RIMS4: variants seen among roughly 807,000 people sequenced by gnomAD.
RIMS4 encodes regulating synaptic membrane exocytosis 4, also known as regulating synaptic membrane exocytosis protein 4.
RIMS4 carries 9 observed loss-of-function variants against 29.0 expected under a neutral mutation model. The observed-to-expected ratio is 0.31, with a 90% CI of 0.19 to 0.54. The LOEUF (loss-of-function observed/expected upper bound fraction) is 0.54. Ranked by LOEUF, RIMS4 falls within the 20% of genes least tolerant of loss-of-function variation. The pLI, the probability that RIMS4 is intolerant of heterozygous loss-of-function variation, is 0.94. For missense variants in RIMS4, 193 were observed against 365.7 expected (o/e 0.53, Z 3.85); for synonymous variants, 130 against 152.9 (o/e 0.85, Z 1.10).
intron 1 of RIMS4, among the ~76,000 whole-genome samples, chr20:44,799,177 C>T (rs2066267229): frequency 6.6e-6 from 1 of 152,162 alleles, no homozygotes; most frequent in South Asian, 2.1e-4. Context: ...GTGGCACGCG[C>T]CTGTAGTCCC....
At chr20:44,782,513 A>G (rs1404447546) in intron 1 of RIMS4, among the ~76,000 whole-genome samples, 3 of 152,034 alleles carry the variant, frequency 2.0e-5, no homozygotes, top group African/African-American at 7.2e-5. Context: ...CTAACCTCAA[A>G]TGATCTGCCT....
chr20:44,764,472 T>C (rs117850768), intron 2 of RIMS4, among the ~76,000 whole-genome samples: 1 of 152,248 alleles, frequency 6.6e-6, no homozygotes, highest in East Asian at 1.9e-4. Flanking sequence ...AATGCACAAA[T>C]ACTACAATAA....
chr20:44,778,625 G>A (rs182404859), intron 1 of RIMS4, among the ~76,000 whole-genome samples: 6 of 152,290 alleles, frequency 3.9e-5, no homozygotes, highest in Admixed American at 2.6e-4. Context: ...TGATCACATT[G>A]CTGCACTACA....
At chr20:44,810,093 A>C (rs1458858631) in intron 1 of RIMS4, 82 bp downstream of exon 1, 3 of 467,402 alleles carry the variant, frequency 6.4e-6, no homozygotes, top group African/African-American at 4.2e-5. Flanking sequence ...GGTGGGGAGG[A>C]GGGCGCACGG....
At chr20:44,762,337 C>T (rs556283999) in intron 2 of RIMS4, among the ~76,000 whole-genome samples, 3 of 152,270 alleles carry the variant, frequency 2.0e-5, no homozygotes, top group African/African-American at 7.2e-5. Context: ...GGTGACATGG[C>T]CTTTCCTCCA....
At chr20:44,796,286 A>G (rs1204838236) in intron 1 of RIMS4, among the ~76,000 whole-genome samples, 3 of 152,122 alleles carry the variant, frequency 2.0e-5, no homozygotes, top group Non-Finnish European at 4.4e-5. Flanking sequence ...AAGCTGTGTA[A>G]TGTCCAACAA....
At position 44,752,300 on chromosome 20, in the gene RIMS4, T is replaced by C. The variant is rs1441311556; in HGVS notation, c.*3834A>G. ...ACAGCACTGCTGCTCAATAAATAAA[T>C]GCAGGTGACCTTGCCTGACGCAACA... On this transcript the variant is annotated 3_prime_UTR_variant, in exon 6 of 6. Coordinates refer to ENST00000372851, the MANE Select transcript of RIMS4 (RefSeq NM_182970.4). 6.6e-6 allele frequency: 1 copy of C among 152,186 alleles called. No individual in the cohort carries two copies. The highest frequency in any genetic ancestry group is 1.5e-5 in the Non-Finnish European group (1 of 68,058). The allele number at this position is 152,186 out of a possible 1,614,324, so 9.4% of individuals were successfully genotyped here. A position where few individuals can be genotyped will look rare whatever the true frequency, so the allele number is the denominator to read the frequency against.
intron 1 of RIMS4, 30 bp downstream of exon 1, chr20:44,810,145 G>C: frequency 6.8e-7 from 1 of 1,467,114 alleles, no homozygotes; most frequent in South Asian, 1.2e-5. Flanking sequence ...GGGACACCCC[G>C]GGGGTCTGGG....
Position 44,752,449 on chromosome 20 carries a change from C to G in RIMS4, c.*3685G>C, listed in dbSNP as rs1475090971. On this transcript the variant is annotated 3_prime_UTR_variant, in exon 6 of 6. Coordinates refer to ENST00000372851, the MANE Select transcript of RIMS4 (RefSeq NM_182970.4). The stretch of plus-strand genomic sequence containing the variant: ...CCACCCCCTAAGCCACCTGCTCCAC[C>G]TCTGGGTGTAAAAGAGTGAGCTCTG... 1 of 152,262 alleles carries G rather than the reference C, an allele frequency of 6.6e-6. No homozygotes were observed. The highest frequency in any genetic ancestry group is 1.5e-5 in the Non-Finnish European group (1 of 68,110). 9.4% of individuals were successfully genotyped at this position (152,262 alleles called of 1,614,324 possible). A position where few individuals can be genotyped will look rare whatever the true frequency, so the allele number is the denominator to read the frequency against.
Position 44,796,496 on chromosome 20 carries a change from T to C in RIMS4, c.97+13679A>G, listed in dbSNP as rs75986619. On this transcript the variant is annotated intron_variant, in intron 1 of 5. Coordinates refer to ENST00000372851, the MANE Select transcript of RIMS4 (RefSeq NM_182970.4). ...TCTGCCTTTCCCAAGTCAGTGCCCA[T>C]TGGTGGGATGCAGATGGGAATCACA... 8.3e-3 allele frequency among the ~76,000 whole-genome samples: 1,265 copies of C among 152,136 alleles called. 23 individuals carry two copies. Among genetic ancestry groups the C allele is most frequent in the African/African-American group, 0.029 (1,201 of 41,506 alleles).
intron 1 of RIMS4, among the ~76,000 whole-genome samples, chr20:44,783,830 G>A (rs2066195781): frequency 6.6e-6 from 1 of 152,170 alleles, no homozygotes; most frequent in African/African-American, 2.4e-5. Flanking sequence ...AGAGGGAGGG[G>A]CAAATGGGAT....
At chr20:44,781,372 T>TA (rs1269376061) in intron 1 of RIMS4, among the ~76,000 whole-genome samples, 1 of 152,188 alleles carries the variant, frequency 6.6e-6, no homozygotes, top group Non-Finnish European at 1.5e-5. Flanking sequence ...GAAGGGTAAT[T>TA]AATGCAGCAC....
chr20:44,758,307 G>A, intron 2 of RIMS4, 123 bp from the exon 3 acceptor site: 2 of 663,912 alleles, frequency 3.0e-6, no homozygotes, highest in Non-Finnish European at 5.2e-6. Flanking sequence ...TGGAGATAAG[G>A]TTTACCCAGT....
chr20:44,784,433 C>T (rs897314128), intron 1 of RIMS4, among the ~76,000 whole-genome samples: 1 of 152,248 alleles, frequency 6.6e-6, no homozygotes, highest in Non-Finnish European at 1.5e-5. Context: ...CTGAAACCAC[C>T]TGGCACCAGC....
At chr20:44,792,957 T>C (rs1225988636) in intron 1 of RIMS4, among the ~76,000 whole-genome samples, 3 of 152,194 alleles carry the variant, frequency 2.0e-5, no homozygotes, top group South Asian at 2.1e-4. Flanking sequence ...TGTTTTCCCT[T>C]ACCCAGCCGT....
chr20:44,757,138 T>A, intron 4 of RIMS4, 101 bp from the exon 5 acceptor site: 1 of 1,323,764 alleles, frequency 7.6e-7, no homozygotes. Context: ...TGGAGATAGG[T>A]GTGCCCCCAT....
intron 1 of RIMS4, among the ~76,000 whole-genome samples, chr20:44,786,822 C>A (rs535522240): frequency 1.3e-5 from 2 of 152,356 alleles, no homozygotes; most frequent in Admixed American, 1.3e-4. Flanking sequence ...GAGAGCCCTA[C>A]AGGAGCCTGT....
At chr20:44,774,806 T>C (rs2066152565) in intron 1 of RIMS4, among the ~76,000 whole-genome samples, 1 of 152,016 alleles carries the variant, frequency 6.6e-6, no homozygotes, top group African/African-American at 2.4e-5. Context: ...TCTCCATCAC[T>C]CACCATGACC....
Position 44,810,181 on chromosome 20 carries a change from C to G in RIMS4, c.91G>C (p.Asp31His). 6.3e-7 allele frequency: 1 copy of G among 1,587,836 alleles called. No individual in the cohort carries two copies. The highest frequency in any genetic ancestry group is 8.6e-7 in the Non-Finnish European group (1 of 1,165,254). The part of the protein sequence containing the change: ...FPCMNSFDDE[D>H]AGDSRRLKGA... ...GGGCGGGCCGCGCGCTTACCTGCGT[C>G]CTCGTCGTCGAAGGAGTTCATGCAC... The change falls in exon 1 of 6, where the codon GAC (aspartate) becomes CAC (histidine). Residue 31 changes from aspartate to histidine, a missense_variant. Physicochemically the swap from Asp to His is moderately conservative, Grantham distance 81 (BLOSUM62 -1). Transcript: ENST00000372851.
Sources: gnomAD v4.1 joint callset for allele counts (sites outside exome capture counted in the v4.1 genomes callset) on GRCh38, gnomAD v4.1.1 for gene constraint, MANE v1.5 for transcripts, NCBI Gene and HGNC (gene_info 2026-07-23, HGNC 2026-07-21) for gene names.